The following TUSC3 variants were observed in gnomAD, a reference collection of about 807,000 sequenced individuals.
TUSC3 encodes the protein tumor suppressor candidate 3, also known as dolichyl-diphosphooligosaccharide--protein glycosyltransferase subunit TUSC3.
A neutral mutation model predicts 44.8 loss-of-function variants in TUSC3; 45 were observed. The observed-to-expected ratio is 1.00, with a 90% confidence interval of 0.79 to 1.29. The LOEUF (loss-of-function observed/expected upper bound fraction) is 1.29. Ranked by LOEUF, TUSC3 falls within the 50% of genes most tolerant of loss-of-function variation. TUSC3 has a pLI of 0.00. For synonymous variants in TUSC3, 212 were observed against 152.9 expected (o/e 1.39, Z -2.85); for missense variants, 519 against 437.9 (o/e 1.19, Z -1.65).
At chr8:15,753,409 C>G (rs373066470) in intron 9 of TUSC3, among the ~76,000 whole-genome samples, 3 of 151,958 alleles carry the variant, frequency 2.0e-5, no homozygotes, top group African/African-American at 7.2e-5. Context: ...ATCATTCATA[C>G]GTGAATTATT....
At chr8:15,610,433 C>T (rs1804710091) in intron 1 of TUSC3, among the ~76,000 whole-genome samples, 1 of 152,114 alleles carries the variant, frequency 6.6e-6, no homozygotes, top group African/African-American at 2.4e-5. Context: ...TGATGTGTTT[C>T]TGTGAATTCA....
chr8:15,559,266 T>C (rs1230084421), intron 1 of TUSC3, among the ~76,000 whole-genome samples: 1 of 142,758 alleles, frequency 7.0e-6, no homozygotes, highest in Non-Finnish European at 1.6e-5. Context: ...ATGTACCCAG[T>C]AGTCATTCAG....
intron 6 of TUSC3, among the ~76,000 whole-genome samples, chr8:15,720,787 T>G (rs1014045478): frequency 6.6e-6 from 1 of 152,122 alleles, no homozygotes; most frequent in Non-Finnish European, 1.5e-5. Flanking sequence ...ATAATGGCAC[T>G]AAGAGATTTT....
At chr8:15,668,687 A>T (rs984319775) in intron 5 of TUSC3, among the ~76,000 whole-genome samples, 4 of 151,798 alleles carry the variant, frequency 2.6e-5, no homozygotes, top group Non-Finnish European at 4.4e-5. Context: ...TTCCAAAAGG[A>T]CTAGCTTTGA....
chr8:15,757,427 G>A (rs1441820006), intron 9 of TUSC3, among the ~76,000 whole-genome samples: 1 of 152,182 alleles, frequency 6.6e-6, no homozygotes, highest in African/African-American at 2.4e-5. Context: ...ATTCCAGCAT[G>A]TAGAGGGTAT....
intron 2 of TUSC3, among the ~76,000 whole-genome samples, chr8:15,520,409 G>A (rs1370496842): frequency 6.6e-6 from 1 of 152,188 alleles, no homozygotes; most frequent in Non-Finnish European, 1.5e-5. Context: ...ATTTGTAAAT[G>A]GGATAATTTA....
At chr8:15,641,972 T>G (rs1470755144) in intron 2 of TUSC3, among the ~76,000 whole-genome samples, 1 of 152,218 alleles carries the variant, frequency 6.6e-6, no homozygotes, top group African/African-American at 2.4e-5. Context: ...TGTGTACATA[T>G]GTCTACACTC....
chr8:15,842,532 A>G, the TUSC3 span, among the ~76,000 whole-genome samples: 1 of 152,130 alleles, frequency 6.6e-6, no homozygotes, highest in African/African-American at 2.4e-5. Context: ...TCTTAGCATC[A>G]GTTTCCCATC....
At chr8:15,784,436 C>G in the TUSC3 span, among the ~76,000 whole-genome samples, 82 of 151,634 alleles carry the variant, frequency 5.4e-4, no homozygotes, top group African/African-American at 1.9e-3. Context: ...TTCACAATAG[C>G]CAAGATATGA....
chr8:15,582,056 G>A (rs1803378086), intron 1 of TUSC3, among the ~76,000 whole-genome samples: 2 of 152,092 alleles, frequency 1.3e-5, no homozygotes. Context: ...TATTCGGGTG[G>A]CAGTGACCCG....
chr8:15,540,265 T>C lies in TUSC3; in HGVS notation c.-166T>C. The C allele has an allele frequency of 2.1e-6, 2 of 968,372 alleles. No individual in the cohort carries two copies. Among genetic ancestry groups the C allele is most frequent in the South Asian group, 2.4e-5 (1 of 42,118 alleles). The allele number at this position is 968,372 out of a possible 1,614,324, so 60.0% of individuals were successfully genotyped here. On this transcript the variant is annotated 5_prime_UTR_variant, in exon 1 of 11. Coordinates refer to ENST00000503731, the MANE Select transcript of TUSC3 (RefSeq NM_006765.4). ...CCCGGTGAACCGGATGCTCTGTCAGTCTCCTCCTCTGCGTCCTCGGCCGCG... is the reference window on the plus strand; with the variant it reads ...CCCGGTGAACCGGATGCTCTGTCAGCCTCCTCCTCTGCGTCCTCGGCCGCG...
In TUSC3 at chr8:15,464,510, T is replaced by C. The variant is rs17121473; in HGVS notation, n.92-18876T>C. Among the ~76,000 whole-genome samples the C allele has an allele frequency of 2.2e-3, 330 of 152,300 alleles. 2 individuals carry two copies. Among genetic ancestry groups the C allele is most frequent in the African/African-American group, 7.0e-3 (292 of 41,574 alleles). On this transcript the variant is annotated intron_variant and non_coding_transcript_variant, in intron 1 of 5. Transcript: ENST00000503191. ...TTTCATGATGCTTTCTATCTAGTGA[T>C]CTGTTTGACACCTGAAACAAATATA...
intron 1 of TUSC3, among the ~76,000 whole-genome samples, chr8:15,440,343 A>C (rs1800004630): frequency 6.6e-6 from 1 of 152,104 alleles, no homozygotes; most frequent in Admixed American, 6.6e-5. Flanking sequence ...AGGGAAGGAG[A>C]GGTGGGAGGT....
At chr8:15,511,197 C>G (rs181999586) in intron 2 of TUSC3, among the ~76,000 whole-genome samples, 1 of 151,764 alleles carries the variant, frequency 6.6e-6, no homozygotes, top group Non-Finnish European at 1.5e-5. Flanking sequence ...TTCACTCTTA[C>G]TACTCCTATT....
the TUSC3 span, among the ~76,000 whole-genome samples, chr8:15,795,065 T>C: frequency 1.2e-4 from 18 of 152,252 alleles, no homozygotes; most frequent in South Asian, 3.7e-3. Context: ...GAACACATTC[T>C]TTCAATTTGT....
intron 2 of TUSC3, among the ~76,000 whole-genome samples, chr8:15,528,432 G>A (rs1273908173): frequency 6.6e-6 from 1 of 152,130 alleles, no homozygotes; most frequent in Non-Finnish European, 1.5e-5. Flanking sequence ...TTGAAAGGAA[G>A]CCAAGTAAGT....
intron 1 of TUSC3, among the ~76,000 whole-genome samples, chr8:15,617,134 A>G (rs71500722): frequency 0.66 from 71,117 of 107,106 alleles, 21,194 homozygotes; most frequent in Non-Finnish European, 0.73. Context: ...GTGTGTGTGT[A>G]TATATTTTTT....
At chr8:15,500,729 G>A (rs1382755320) in intron 2 of TUSC3, among the ~76,000 whole-genome samples, 3 of 152,148 alleles carry the variant, frequency 2.0e-5, no homozygotes, top group Non-Finnish European at 4.4e-5. Flanking sequence ...GAAAGAGAAT[G>A]TGACAGGAAA....
At chr8:15,470,119 T>TA (rs1800467936) in intron 1 of TUSC3, among the ~76,000 whole-genome samples, 1 of 148,870 alleles carries the variant, frequency 6.7e-6, no homozygotes, top group East Asian at 2.0e-4. Context: ...AAAAAAAAGC[T>TA]AAAAATTAGC....
Sources: allele counts gnomAD v4.1 joint callset (sites outside exome capture counted in the v4.1 genomes callset), GRCh38; gene constraint gnomAD v4.1.1; transcripts MANE v1.5; gene names NCBI Gene and HGNC (gene_info 2026-07-23, HGNC 2026-07-21).